Variants in CACNA1C observed in about 807,000 individuals in gnomAD.
The protein encoded by CACNA1C is calcium voltage-gated channel subunit alpha1 C.
CACNA1C carries 30 observed loss-of-function variants against 229.0 expected under a neutral mutation model. That is an observed-to-expected ratio of 0.13 (90% CI 0.10 to 0.18). CACNA1C has a LOEUF of 0.18. Ranked by LOEUF, CACNA1C falls within the 10% of genes least tolerant of loss-of-function variation. CACNA1C has a pLI of 1.00. For missense variants in CACNA1C, 1,658 were observed against 2,845.0 expected, an observed-to-expected ratio of 0.58 and a Z score of 9.49; for synonymous variants, 1,114 against 1,132.5, an observed-to-expected ratio of 0.98 and a Z score of 0.33.
chr12:2,538,906 T>C (rs2099862186), intron 9 of CACNA1C, among the ~76,000 whole-genome samples: 1 of 152,234 alleles, frequency 6.6e-6, no homozygotes, highest in East Asian at 1.9e-4. Flanking sequence ...CTCAGGTCTA[T>C]TCTGCGGTGG....
At chr12:2,498,308 T>C (rs993616895) in intron 7 of CACNA1C, among the ~76,000 whole-genome samples, 1 of 152,192 alleles carries the variant, frequency 6.6e-6, no homozygotes, top group Non-Finnish European at 1.5e-5. Flanking sequence ...AGGACCTCTG[T>C]GGTCCCTGAC....
At chr12:2,412,656 T>C (rs1451845597) in intron 3 of CACNA1C, among the ~76,000 whole-genome samples, 1 of 152,132 alleles carries the variant, frequency 6.6e-6, no homozygotes, top group Non-Finnish European at 1.5e-5. Context: ...ATCATCTCAC[T>C]TTTTTTTGAA....
chr12:2,610,843 G>C lies in CACNA1C; in HGVS notation c.3717+144G>C, dbSNP rs2077296556. The C allele has an allele frequency of 7.4e-6, 6 of 810,262 alleles. No homozygotes were observed. In the East Asian group the frequency reaches 1.1e-4, roughly 14 times the overall value. 50.2% of individuals were successfully genotyped at this position (810,262 alleles called of 1,614,324 possible). On this transcript the variant is annotated intron_variant, in intron 28 of 46. Transcript: ENST00000399655. ...ATTTGGAGAAAGACGAGTGTTCTCTGTCAAGGATGTGCTCCTCTCTGGGCC... is the reference window on the plus strand; with the variant it reads ...ATTTGGAGAAAGACGAGTGTTCTCTCTCAAGGATGTGCTCCTCTCTGGGCC...
At chr12:2,256,089 A>ACGATC (rs1600946534) in intron 3 of CACNA1C, among the ~76,000 whole-genome samples, 1 of 152,232 alleles carries the variant, frequency 6.6e-6, no homozygotes, top group Non-Finnish European at 1.5e-5. Flanking sequence ...TTACAATCAC[A>ACGATC]CCTCCTGTTT....
At chr12:2,473,666 G>T (rs1330925442) in intron 5 of CACNA1C, among the ~76,000 whole-genome samples, 3 of 152,050 alleles carry the variant, frequency 2.0e-5, no homozygotes, top group Non-Finnish European at 4.4e-5. Context: ...GGACCCAAAA[G>T]GTGACATGAC....
intron 3 of CACNA1C, among the ~76,000 whole-genome samples, chr12:2,241,573 A>T (rs747135155): frequency 1.3e-5 from 2 of 152,160 alleles, no homozygotes; most frequent in Non-Finnish European, 2.9e-5. Flanking sequence ...TTCCGAAGAC[A>T]GATGGGGCAG....
At chr12:2,684,126 G>A (rs780079920) in intron 43 of CACNA1C, among the ~76,000 whole-genome samples, 17 of 152,222 alleles carry the variant, frequency 1.1e-4, no homozygotes, top group Non-Finnish European at 1.8e-4. Flanking sequence ...CACAGCATGC[G>A]GCTTCCTGGG....
At chr12:2,382,627 C>G (rs2098275515) in intron 3 of CACNA1C, among the ~76,000 whole-genome samples, 1 of 152,124 alleles carries the variant, frequency 6.6e-6, no homozygotes, top group South Asian at 2.1e-4. Context: ...CTGTGAGAGA[C>G]AGAAAGGAGA....
chr12:2,085,792 AC>A (rs1227065592), intron 1 of CACNA1C, among the ~76,000 whole-genome samples: 1 of 152,086 alleles, frequency 6.6e-6, no homozygotes, highest in Non-Finnish European at 1.5e-5. Flanking sequence ...CTTTGCTAGC[AC>A]CCTGTCCACT....
chr12:2,089,555 C>G (rs956646264), intron 1 of CACNA1C, among the ~76,000 whole-genome samples: 12 of 152,164 alleles, frequency 7.9e-5, no homozygotes. Context: ...CCATAAGAAT[C>G]TTGGGGCTCT....
intron 3 of CACNA1C, among the ~76,000 whole-genome samples, chr12:2,178,662 C>T (rs575449661): frequency 2.0e-5 from 3 of 152,272 alleles, no homozygotes; most frequent in East Asian, 1.9e-4. Context: ...CCTTCATGAC[C>T]GGGTTCCCAC....
At chr12:2,382,375 A>G (rs1163086205) in intron 3 of CACNA1C, among the ~76,000 whole-genome samples, 1 of 152,240 alleles carries the variant, frequency 6.6e-6, no homozygotes, top group Admixed American at 6.5e-5. Flanking sequence ...GTATTACAAA[A>G]TTGTCTTTAA....
chr12:2,523,747 T>C (rs1040792299), intron 9 of CACNA1C, among the ~76,000 whole-genome samples: 5 of 152,214 alleles, frequency 3.3e-5, no homozygotes, highest in African/African-American at 1.2e-4. Context: ...CAAATCGATC[T>C]ATACACTTGG....
chr12:2,187,797 C>T (rs2097091349), intron 3 of CACNA1C, among the ~76,000 whole-genome samples: 1 of 152,270 alleles, frequency 6.6e-6, no homozygotes, highest in Admixed American at 6.5e-5. Flanking sequence ...TCGGTGACCC[C>T]TCCTGGTGCC....
intron 1 of CACNA1C, among the ~76,000 whole-genome samples, chr12:2,026,852 A>G (rs754226103): frequency 3.3e-5 from 5 of 152,334 alleles, no homozygotes; most frequent in South Asian, 4.1e-4. Flanking sequence ...ATGAAGTACT[A>G]TTGGGGAAAT....
At chr12:2,219,744 C>T (rs983153731) in intron 3 of CACNA1C, among the ~76,000 whole-genome samples, 1 of 152,174 alleles carries the variant, frequency 6.6e-6, no homozygotes, top group Non-Finnish European at 1.5e-5. Context: ...CCTGGAAACA[C>T]TTGCTTTCAC....
chr12:2,123,375 C>CAAAAA (rs397761587), intron 3 of CACNA1C, among the ~76,000 whole-genome samples: 4 of 72,972 alleles, frequency 5.5e-5, no homozygotes, highest in African/African-American at 2.2e-4. Context: ...GACTCCATCT[C>CAAAAA]AAAAAAAAAA....
At chr12:2,522,354 G>C (rs2154580690) in intron 9 of CACNA1C, among the ~76,000 whole-genome samples, 1 of 152,304 alleles carries the variant, frequency 6.6e-6, no homozygotes, top group South Asian at 2.1e-4. Flanking sequence ...AACACATAAT[G>C]AATTGAATTG....
intron 1 of CACNA1C, chr12:1,992,976 C>T: frequency 3.3e-6 from 2 of 608,010 alleles, no homozygotes; most frequent in Non-Finnish European, 5.8e-6. Flanking sequence ...CTCACCCAGC[C>T]CTGCTCAGGC....
Sources: gnomAD v4.1 joint callset for allele counts (sites outside exome capture counted in the v4.1 genomes callset) on GRCh38, gnomAD v4.1.1 for gene constraint, MANE v1.5 for transcripts, NCBI Gene and HGNC (gene_info 2026-07-23, HGNC 2026-07-21) for gene names.